The following ZNF407 variants were observed in gnomAD, a reference collection of about 807,000 sequenced individuals.
ZNF407 encodes the protein zinc finger protein 407.
ZNF407 carries 17 observed loss-of-function variants against 131.2 expected under a neutral mutation model. The ratio of observed to expected loss-of-function variants is 0.13; its 90% CI spans 0.09 to 0.19. The LOEUF (loss-of-function observed/expected upper bound fraction) is 0.19, where lower values mean the gene tolerates loss of function less well. ZNF407 is among the 10% of genes least tolerant of loss of function. The pLI is 1.00. For missense variants in ZNF407, 2,681 were observed against 2,830.6 expected (o/e 0.95, Z 1.20); for synonymous variants, 1,156 against 1,062.0 (o/e 1.09, Z -1.72).
In ZNF407 at chr18:74,680,968, G is replaced by C. The variant is rs1366264887; in HGVS notation, c.4802+39846G>C. Among the ~76,000 whole-genome samples, 5 of 152,288 alleles carry C rather than the reference G, an allele frequency of 3.3e-5. No individual in the cohort carries two copies. In the South Asian group the frequency reaches 8.3e-4, roughly 25 times the overall value. On this transcript the variant is annotated intron_variant, in intron 3 of 8. Coordinates refer to ENST00000299687, the MANE Select transcript of ZNF407 (RefSeq NM_017757.3). ...AATTTAAATTCAGTACATATTGACAGTCAGTAGAGCATTGATTATATCTTT... is the reference window on the plus strand; with the variant it reads ...AATTTAAATTCAGTACATATTGACACTCAGTAGAGCATTGATTATATCTTT...
chr18:74,970,649 C>T (rs1972461692), intron 8 of ZNF407, among the ~76,000 whole-genome samples: 1 of 152,202 alleles, frequency 6.6e-6, no homozygotes, highest in South Asian at 2.1e-4. Context: ...GGCAGCTCTG[C>T]CCCTGCCACT....
At chr18:74,813,717 GCCT>G (rs1203904325) in intron 4 of ZNF407, among the ~76,000 whole-genome samples, 1 of 152,074 alleles carries the variant, frequency 6.6e-6, no homozygotes, top group Non-Finnish European at 1.5e-5. Flanking sequence ...CCCTTTGTCC[GCCT>G]CCTCCTCTAA....
intron 4 of ZNF407, among the ~76,000 whole-genome samples, chr18:74,833,715 G>C (rs1048303939): frequency 1.3e-5 from 2 of 152,210 alleles, no homozygotes; most frequent in Non-Finnish European, 2.9e-5. Flanking sequence ...AGAGGTTTAA[G>C]ATCTTGTTTA....
chr18:75,059,127 T>C (rs185350257), intron 8 of ZNF407, among the ~76,000 whole-genome samples: 39 of 152,290 alleles, frequency 2.6e-4, no homozygotes, highest in Non-Finnish European at 5.1e-4. Flanking sequence ...TATTTACCCA[T>C]TTAGTTTACA....
intron 7 of ZNF407, among the ~76,000 whole-genome samples, chr18:74,900,531 TGCTA>T (rs1971510359): frequency 6.6e-6 from 1 of 152,250 alleles, no homozygotes; most frequent in South Asian, 2.1e-4. Context: ...AGCTGCTTGC[TGCTA>T]GCTAACAGTT....
chr18:74,636,990 ATAAAAC>A lies in ZNF407; in HGVS notation c.4687+1288_4687+1293del, dbSNP rs1468132871. 2.6e-5 allele frequency among the ~76,000 whole-genome samples: 4 copies of A among 152,234 alleles called. No homozygotes were observed. The East Asian group carries it at 7.7e-4, about 29-fold the overall frequency. ...GCCCTCTTAAGGCAGATAAAACTGA[ATAAAAC>A]TAAGAGGAAGATGCTAATGGAGCTC... is the stretch of plus-strand genomic sequence containing the variant. On this transcript the variant is annotated intron_variant, in intron 2 of 8. Transcript: ENST00000299687.
At chr18:74,699,904 A>T (rs1324244678) in intron 3 of ZNF407, among the ~76,000 whole-genome samples, 1 of 152,214 alleles carries the variant, frequency 6.6e-6, no homozygotes, top group Non-Finnish European at 1.5e-5. Flanking sequence ...AGACAAAATT[A>T]TATGCACATG....
At chr18:74,785,186 TA>T (rs763579412) in intron 4 of ZNF407, among the ~76,000 whole-genome samples, 2 of 152,208 alleles carry the variant, frequency 1.3e-5, no homozygotes, top group Non-Finnish European at 2.9e-5. Context: ...ATCAAAACCT[TA>T]CGTATTTCTT....
At chr18:74,766,501 T>G (rs542344622) in intron 3 of ZNF407, among the ~76,000 whole-genome samples, 6 of 152,370 alleles carry the variant, frequency 3.9e-5, no homozygotes, top group African/African-American at 1.4e-4. Context: ...TCTGCCCTGC[T>G]TATTTCATAC....
chr18:74,663,557 T>C (rs1270476571), intron 3 of ZNF407, among the ~76,000 whole-genome samples: 1 of 152,202 alleles, frequency 6.6e-6, no homozygotes, highest in Non-Finnish European at 1.5e-5. Context: ...CACCACATAT[T>C]ACGTGTGGGG....
chr18:74,924,719 A>G (rs1971890324), intron 8 of ZNF407, among the ~76,000 whole-genome samples: 1 of 152,142 alleles, frequency 6.6e-6, no homozygotes, highest in Non-Finnish European at 1.5e-5. Flanking sequence ...ACCCCAGAGA[A>G]AGGGGAGTGA....
intron 8 of ZNF407, among the ~76,000 whole-genome samples, chr18:74,976,319 T>G (rs1230936788): frequency 1.3e-5 from 2 of 152,226 alleles, no homozygotes; most frequent in African/African-American, 4.8e-5. Context: ...AGTGTTTACA[T>G]GCCCCTTTTC....
At position 75,063,596 on chromosome 18, in the gene ZNF407, C is replaced by T. The variant is rs1405477371; in HGVS notation, c.5875C>T (p.Pro1959Ser). The T allele has an allele frequency of 1.3e-6, 2 of 1,571,910 alleles. No individual in the cohort carries two copies. Among genetic ancestry groups the T allele is most frequent in the Non-Finnish European group, 1.7e-6 (2 of 1,160,252 alleles). ...EGHGMDESLS[P>S]GGAVIQQVTK... ...CCACGGCATGGATGAGTCCCTCAGT[C>T]CAGGTGGCGCTGTGATACAACAGGT... is the stretch of plus-strand genomic sequence containing the variant. The change falls in exon 9 of 9, where the codon CCA (proline) becomes TCA (serine). Residue 1959 changes from proline (P) to serine (S), a missense_variant. By Grantham distance (74) the Pro-to-Ser change is moderately conservative (BLOSUM62 -1). Around this residue, in one of 6 missense-constraint regions of ZNF407, gnomAD observed 620 missense variants for 583.1 expected, o/e 1.06. Transcript: ENST00000299687. This position sits in a 1 kb window ranked among gnomAD's most constrained non-coding sequence, Gnocchi z 6.6.
chr18:75,022,890 T>C (rs1467787042), intron 8 of ZNF407, among the ~76,000 whole-genome samples: 1 of 152,202 alleles, frequency 6.6e-6, no homozygotes, highest in Non-Finnish European at 1.5e-5. Context: ...TGTATGTTCA[T>C]TGCAGCACTA....
chr18:74,749,561 T>C (rs545768796), intron 3 of ZNF407, among the ~76,000 whole-genome samples: 1 of 152,282 alleles, frequency 6.6e-6, no homozygotes, highest in South Asian at 2.1e-4. Context: ...TGTGAAGAAT[T>C]TAAAACTGCA....
chr18:75,028,247 C>G (rs919092716), intron 8 of ZNF407, among the ~76,000 whole-genome samples: 1 of 152,288 alleles, frequency 6.6e-6, no homozygotes. Context: ...ATTTTCTCAT[C>G]GTTTCGGAGG....
At chr18:74,668,895 G>A (rs1986030585) in intron 3 of ZNF407, among the ~76,000 whole-genome samples, 1 of 151,966 alleles carries the variant, frequency 6.6e-6, no homozygotes, top group Non-Finnish European at 1.5e-5. Context: ...TGTTTGATGT[G>A]TTTAGGATAT....
intron 2 of ZNF407, among the ~76,000 whole-genome samples, chr18:74,638,372 ATG>A (rs1437658395): frequency 7.0e-4 from 79 of 112,280 alleles, no homozygotes; most frequent in African/African-American, 2.2e-3. Flanking sequence ...GAGCAGATGA[ATG>A]AATGAATGAA....
In ZNF407 at chr18:74,697,131, A is replaced by T. The variant is rs150439445; in HGVS notation, c.4802+56009A>T. Among the ~76,000 whole-genome samples, 33 of 152,278 alleles carry T rather than the reference A, an allele frequency of 2.2e-4. No individual in the cohort carries two copies. The East Asian group carries it at 5.8e-3, about 27-fold the overall frequency. On this transcript the variant is annotated intron_variant, in intron 3 of 8. Coordinates refer to ENST00000299687, the MANE Select transcript of ZNF407 (RefSeq NM_017757.3). ...CACTTACTGTAATAATAACTTTACA[A>T]TCTTAATTGGACCTCTCTCCAAACT...
Sources: allele counts gnomAD v4.1 joint callset (sites outside exome capture counted in the v4.1 genomes callset), GRCh38; gene constraint gnomAD v4.1.1; regional missense constraint gnomAD v4.1.1; non-coding constraint Gnocchi (gnomAD v3.1); transcripts MANE v1.5; gene names NCBI Gene and HGNC (gene_info 2026-07-23, HGNC 2026-07-21).